NSD2: variants seen among roughly 807,000 people sequenced by gnomAD.
NSD2 encodes the protein histone-lysine N-methyltransferase NSD2.
Under a neutral mutation model 139.0 loss-of-function variants are expected in NSD2, and 12 were observed. That is an observed-to-expected ratio of 0.09 (90% CI 0.06 to 0.14). NSD2 has a LOEUF of 0.14. Among genes scored for constraint, NSD2 ranks in the 10% least tolerant of loss-of-function variants. The pLI is 1.00. For synonymous variants in NSD2, 669 were observed against 648.7 expected (o/e 1.03, Z -0.48); for missense variants, 1,155 against 1,745.0 (o/e 0.66, Z 6.02).
At chr4:1,965,613 A>G (rs1725807235) in intron 18 of NSD2, among the ~76,000 whole-genome samples, 1 of 152,244 alleles carries the variant, frequency 6.6e-6, no homozygotes, top group African/African-American at 2.4e-5. Flanking sequence ...TGCAAGGTGT[A>G]TTAGTCTATT....
At chr4:1,872,637 C>CGCGAGAGAGAGA (rs1553856508) in intron 1 of NSD2, among the ~76,000 whole-genome samples, 2 of 81,746 alleles carry the variant, frequency 2.4e-5, no homozygotes, top group Non-Finnish European at 5.0e-5. Flanking sequence ...AGAGAGAGAG[C>CGCGAGAGAGAGA]GCGCAGACCC....
chr4:1,904,523 G>A, intron 3 of NSD2, 145 bp downstream of exon 3: 2 of 826,954 alleles, frequency 2.4e-6, no homozygotes, highest in Non-Finnish European at 3.7e-6. Context: ...TGATTCAAGT[G>A]TGATGTGTTG....
chr4:1,916,663 C>A (rs943089071), intron 3 of NSD2, among the ~76,000 whole-genome samples: 9 of 152,176 alleles, frequency 5.9e-5, no homozygotes, highest in African/African-American at 1.7e-4. Context: ...CTTTCCCATT[C>A]AATTTTGAAC....
At chr4:1,879,803 C>T (rs1025894254) in intron 1 of NSD2, among the ~76,000 whole-genome samples, 1 of 151,264 alleles carries the variant, frequency 6.6e-6, no homozygotes, top group East Asian at 1.9e-4. Flanking sequence ...CCGGGTGTTG[C>T]AGACCCTGGG....
At chr4:1,932,654 G>A (rs998041588) in intron 6 of NSD2, among the ~76,000 whole-genome samples, 2 of 152,184 alleles carry the variant, frequency 1.3e-5, no homozygotes, top group African/African-American at 4.8e-5. Context: ...GCTGAGGCAG[G>A]AGAATCGCTT....
chr4:1,923,863 A>ATTTGCT (rs1424995307), intron 5 of NSD2, among the ~76,000 whole-genome samples: 1 of 152,188 alleles, frequency 6.6e-6, no homozygotes, highest in Non-Finnish European at 1.5e-5. Flanking sequence ...GCAGAAACAA[A>ATTTGCT]TTGCTGAAGG....
chr4:1,976,723 G>C lies in NSD2; in HGVS notation c.3826+44G>C. The C allele has an allele frequency of 6.5e-7, 1 of 1,530,384 alleles. No individual in the cohort carries two copies. 94.8% of individuals were successfully genotyped at this position (1,530,384 alleles called of 1,614,324 possible). On this transcript the variant is annotated intron_variant, in intron 21 of 21. Transcript: ENST00000508803. The surrounding 1 kb of genome is among the most constrained non-coding windows in gnomAD (Gnocchi z 5.3). ...GGTGGCTTGCAGCTGTGTCTGTGTG[G>C]CAGGCTCCTGATGGCGGCTGCTGCC... is the stretch of plus-strand genomic sequence containing the variant.
At chr4:1,886,409 G>A (rs1715113631) in intron 1 of NSD2, among the ~76,000 whole-genome samples, 1 of 152,168 alleles carries the variant, frequency 6.6e-6, no homozygotes. Flanking sequence ...GTTTCACTAT[G>A]TTGGCCAGGC....
Position 1,904,280 on chromosome 4 carries a change from A to G in NSD2, c.662A>G (p.Asn221Ser), listed in dbSNP as rs577771710. ...GRDKDHLLKY[N>S]VGDLVWSKVS... Reference sequence around the variant, plus strand: ...GACAAAGACCACCTGTTGAAATACAACGTTGGTGATTTGGTGTGGTCCAAA... The same window carrying G: ...GACAAAGACCACCTGTTGAAATACAGCGTTGGTGATTTGGTGTGGTCCAAA... Residue 221 changes from asparagine to serine, a missense_variant, in exon 3 of 22, where the codon AAC becomes AGC. This residue lies in a region of NSD2 where 34 missense variants were observed against 75.2 expected (regional missense o/e 0.45). Transcript: ENST00000508803. The G allele has an allele frequency of 4.0e-5, 64 of 1,614,190 alleles. No individual in the cohort carries two copies. In the East Asian group the frequency reaches 1.1e-3, roughly 29 times the overall value.
Position 1,980,349 on chromosome 4 carries a change from T to A in NSD2, c.*1440T>A, listed in dbSNP as rs1233798937. The A allele has an allele frequency of 4.3e-6, 1 of 233,200 alleles. No individual in the cohort carries two copies. Among genetic ancestry groups the A allele is most frequent in the Non-Finnish European group, 8.5e-6 (1 of 118,040 alleles). 14.4% of individuals were successfully genotyped at this position (233,200 alleles called of 1,614,324 possible). ...GGCACCATGTGTGCCTTTGCCCACG[T>A]GTCCTGAGGGGCTGCTTGTCTGGGA... is the stretch of plus-strand genomic sequence containing the variant. On this transcript the variant is annotated 3_prime_UTR_variant, in exon 22 of 22. Transcript: ENST00000508803.
At chr4:1,933,483 G>GCAA (rs1721924260) in intron 6 of NSD2, among the ~76,000 whole-genome samples, 1 of 152,186 alleles carries the variant, frequency 6.6e-6, no homozygotes, top group South Asian at 2.1e-4. Context: ...TCCGCCTGGC[G>GCAA]GGTTCATGCC....
intron 11 of NSD2, chr4:1,952,610 C>G (rs1416775250): frequency 2.6e-6 from 2 of 762,066 alleles, no homozygotes; most frequent in African/African-American, 3.7e-5. Flanking sequence ...TGGTTGGTCA[C>G]CGAACACTGA....
chr4:1,952,834 G>T, intron 11 of NSD2: 1 of 1,233,692 alleles, frequency 8.1e-7, no homozygotes, highest in Non-Finnish European at 1.0e-6. Flanking sequence ...TACTCACCGG[G>T]CCCAAGGAGT....
chr4:1,883,631 CAAAAAAA>C (rs558413845), intron 1 of NSD2, among the ~76,000 whole-genome samples: 2 of 74,146 alleles, frequency 2.7e-5, no homozygotes, highest in South Asian at 4.4e-4. Context: ...ACTTTGTTTC[CAAAAAAA>C]AAAAAAAAAA....
Position 1,972,258 on chromosome 4 carries a change from G to A in NSD2, c.3373-2605G>A, listed in dbSNP as rs1382621885. On this transcript the variant is annotated intron_variant, in intron 18 of 21. Transcript: ENST00000508803. The surrounding 1 kb of genome is among the most constrained non-coding windows in gnomAD (Gnocchi z 4.0). ...TGGAAAGTTCGGCAGTGTCACTGAC[G>A]GACACAAGAGATGATATGGATGAGT... Among the ~76,000 whole-genome samples, 3 of 152,166 alleles carry A rather than the reference G, an allele frequency of 2.0e-5. No individual in the cohort carries two copies. Among genetic ancestry groups the A allele is most frequent in the African/African-American group, 4.8e-5 (2 of 41,440 alleles).
At chr4:1,886,824 C>G (rs1482358451) in intron 1 of NSD2, among the ~76,000 whole-genome samples, 2 of 151,564 alleles carry the variant, frequency 1.3e-5, no homozygotes, top group Non-Finnish European at 2.9e-5. Flanking sequence ...TGGGACAGAG[C>G]GAGACTCCAT....
chr4:1,952,900 C>T, intron 11 of NSD2: 2 of 1,390,636 alleles, frequency 1.4e-6, no homozygotes, highest in Non-Finnish European at 1.9e-6. Context: ...GAGAGTCTCC[C>T]AGGCCATGGC....
At chr4:1,880,782 G>T (rs1284915842) in intron 1 of NSD2, among the ~76,000 whole-genome samples, 2 of 152,084 alleles carry the variant, frequency 1.3e-5, no homozygotes, top group East Asian at 3.9e-4. Flanking sequence ...AAAAATGAAG[G>T]GGACTGATGA....
At chr4:1,883,075 T>G (rs1204421178) in intron 1 of NSD2, among the ~76,000 whole-genome samples, 1 of 152,006 alleles carries the variant, frequency 6.6e-6, no homozygotes, top group African/African-American at 2.4e-5. Flanking sequence ...TGATAAGTTG[T>G]GTTGTTTGGG....
Sources: gnomAD v4.1 joint callset for allele counts (sites outside exome capture counted in the v4.1 genomes callset) on GRCh38, gnomAD v4.1.1 for gene constraint, gnomAD v4.1.1 regional missense constraint, Gnocchi (gnomAD v3.1) non-coding constraint, MANE v1.5 for transcripts, NCBI Gene and HGNC (gene_info 2026-07-23, HGNC 2026-07-21) for gene names.